The following PDE10A variants were observed in gnomAD, a reference collection of about 807,000 sequenced individuals.
PDE10A encodes cAMP and cAMP-inhibited cGMP 3',5'-cyclic phosphodiesterase 10A.
Under a neutral mutation model 97.7 loss-of-function variants are expected in PDE10A, and 39 were observed. That is an observed-to-expected ratio of 0.40 (90% CI 0.31 to 0.52). PDE10A has a LOEUF of 0.52. Among genes scored for constraint, PDE10A ranks in the 20% least tolerant of loss-of-function variants. PDE10A has a pLI of 0.56. For synonymous variants in PDE10A, 371 were observed against 376.8 expected (o/e 0.98, Z 0.18); for missense variants, 731 against 1,047.8 (o/e 0.70, Z 4.17).
chr6:165,410,939 A>AATT (rs776965452), intron 13 of PDE10A, among the ~76,000 whole-genome samples: 2 of 38,506 alleles, frequency 5.2e-5, no homozygotes, highest in East Asian at 7.4e-4. Flanking sequence ...ATACAAAAAA[A>AATT]TAGCCGGGCG....
chr6:165,404,626 G>A (rs1786968584), intron 13 of PDE10A, among the ~76,000 whole-genome samples: 1 of 152,018 alleles, frequency 6.6e-6, no homozygotes, highest in African/African-American at 2.4e-5. Context: ...TCACAAGGGA[G>A]ATAATTTGAG....
intron 3 of PDE10A, among the ~76,000 whole-genome samples, chr6:165,473,913 A>G (rs1037492037): frequency 1.3e-5 from 2 of 152,150 alleles, no homozygotes; most frequent in African/African-American, 4.8e-5. Context: ...AGGCTCAGGT[A>G]CTCTTAATTT....
At chr6:165,359,341 C>T (rs1475237425) in intron 18 of PDE10A, among the ~76,000 whole-genome samples, 1 of 152,092 alleles carries the variant, frequency 6.6e-6, no homozygotes, top group Non-Finnish European at 1.5e-5. Flanking sequence ...CTTATTTCAG[C>T]CTCCTTTTTT....
At chr6:165,726,329 G>C (rs1792292986) in intron 1 of PDE10A, among the ~76,000 whole-genome samples, 1 of 152,092 alleles carries the variant, frequency 6.6e-6, no homozygotes, top group Non-Finnish European at 1.5e-5. Flanking sequence ...TTAATGATGG[G>C]AAAAAATATA....
At chr6:165,416,607 T>A (rs1326141048) in intron 11 of PDE10A, among the ~76,000 whole-genome samples, 1 of 152,162 alleles carries the variant, frequency 6.6e-6, no homozygotes, top group African/African-American at 2.4e-5. Flanking sequence ...TCAACATAAA[T>A]TTTTTTAGTG....
intron 19 of PDE10A, among the ~76,000 whole-genome samples, chr6:165,341,627 T>C (rs562822500): frequency 3.3e-5 from 5 of 152,294 alleles, no homozygotes; most frequent in Non-Finnish European, 5.9e-5. Flanking sequence ...TATGTTAACA[T>C]GGCGGCAACC....
chr6:165,806,651 C>CA lies in PDE10A; in HGVS notation c.-615+180877_-615+180878insT, dbSNP rs534383867. ...CATGCTGCATGGCTCTGCTGAGCGC[C>CA]CCCCCCCAGGCTCTTCTTTAGACTT... On this transcript the variant is annotated intron_variant, in intron 1 of 19. Coordinates refer to the PDE10A transcript ENST00000366882. 2.5e-3 allele frequency among the ~76,000 whole-genome samples: 382 copies of CA among 151,494 alleles called. 1 individual carries two copies. Among genetic ancestry groups the CA allele is most frequent in the Non-Finnish European group, 4.1e-3 (275 of 67,876 alleles).
intron 18 of PDE10A, among the ~76,000 whole-genome samples, chr6:165,350,326 T>G (rs1726401514): frequency 6.6e-6 from 1 of 152,220 alleles, no homozygotes; most frequent in African/African-American, 2.4e-5. Flanking sequence ...GTTTAATGGC[T>G]GTCCTACTGG....
chr6:165,876,856 C>T (rs190773713), intron 1 of PDE10A, among the ~76,000 whole-genome samples: 147 of 152,306 alleles, frequency 9.7e-4, no homozygotes, highest in Admixed American at 3.2e-3. Context: ...GCTCCCAGAT[C>T]CAGCTGAAGT....
intron 1 of PDE10A, among the ~76,000 whole-genome samples, chr6:165,936,447 A>G (rs535769953): frequency 6.6e-6 from 1 of 152,348 alleles, no homozygotes; most frequent in South Asian, 2.1e-4. Flanking sequence ...GGAATCCAAG[A>G]AATATTTTTG....
chr6:165,480,802 G>A (rs1030784848), intron 3 of PDE10A, among the ~76,000 whole-genome samples: 1 of 152,024 alleles, frequency 6.6e-6, no homozygotes, highest in Non-Finnish European at 1.5e-5. Context: ...GAAAATAGTG[G>A]CATACTATTT....
chr6:165,686,366 C>T (rs1486559347), intron 1 of PDE10A, among the ~76,000 whole-genome samples: 1 of 152,188 alleles, frequency 6.6e-6, no homozygotes, highest in East Asian at 1.9e-4. Context: ...CCCTACACAC[C>T]TTCTGCTTAG....
At position 165,482,305 on chromosome 6, in the gene PDE10A, C is replaced by G; in HGVS notation, c.1023+10G>C. ...ACTGCAGTAGTAGAAATAATATTCA[C>G]ATCACTTACCCTGCTGACTTCCTTA... On this transcript the variant is annotated intron_variant, in intron 3 of 21. Transcript: ENST00000539869. 1 of 1,568,698 alleles carries G rather than the reference C, an allele frequency of 6.4e-7. No individual in the cohort carries two copies. Among genetic ancestry groups the G allele is most frequent in the Non-Finnish European group, 8.8e-7 (1 of 1,138,910 alleles).
At chr6:165,641,590 G>A (rs975060461) in intron 1 of PDE10A, among the ~76,000 whole-genome samples, 61 of 152,212 alleles carry the variant, frequency 4.0e-4, no homozygotes, top group African/African-American at 1.4e-3. Context: ...CAGTCAGAGC[G>A]GGCACTGGCC....
intron 1 of PDE10A, among the ~76,000 whole-genome samples, chr6:165,677,769 T>TTG (rs747267572): frequency 2.1e-4 from 32 of 151,912 alleles, no homozygotes; most frequent in Non-Finnish European, 3.4e-4. Flanking sequence ...CGTAATGTGT[T>TTG]TGTGTGTGTG....
chr6:165,560,887 T>C (rs1470696407), intron 1 of PDE10A, among the ~76,000 whole-genome samples: 1 of 152,092 alleles, frequency 6.6e-6, no homozygotes, highest in African/African-American at 2.4e-5. Context: ...CCTGGTGCTG[T>C]CTCGTGATAG....
chr6:165,541,865 T>A (rs183761302), intron 2 of PDE10A, among the ~76,000 whole-genome samples: 1 of 152,262 alleles, frequency 6.6e-6, no homozygotes, highest in East Asian at 1.9e-4. Flanking sequence ...CACATTCACA[T>A]ACACTTACTT....
At chr6:165,584,717 A>C (rs1481618408) in intron 1 of PDE10A, among the ~76,000 whole-genome samples, 2 of 152,206 alleles carry the variant, frequency 1.3e-5, no homozygotes, top group East Asian at 3.9e-4. Flanking sequence ...CCCTTAGGGC[A>C]TCTGCATCTG....
Position 165,691,215 on chromosome 6 carries a change from A to C in PDE10A, c.-614-147647T>G, listed in dbSNP as rs1298567588. ...TCTCTCTCTCTCCCCACACACACAC[A>C]CACACACACACACACACACACACAC... On this transcript the variant is annotated intron_variant, in intron 1 of 19. Transcript: ENST00000366882. Among the ~76,000 whole-genome samples the C allele has an allele frequency of 7.1e-4, 97 of 136,360 alleles. 1 individual carries two copies. The highest frequency in any genetic ancestry group is 3.0e-3 in the African/African-American group (89 of 29,498). 89.5% of individuals were successfully genotyped at this position (136,360 alleles called of 152,430 possible).
Sources: allele counts gnomAD v4.1 joint callset (sites outside exome capture counted in the v4.1 genomes callset), GRCh38; gene constraint gnomAD v4.1.1; transcripts MANE v1.5; gene names NCBI Gene and HGNC (gene_info 2026-07-23, HGNC 2026-07-21).